Variants in SYNPO2 observed in about 807,000 individuals in gnomAD.
SYNPO2 encodes the protein synaptopodin-2.
Under a neutral mutation model 85.0 loss-of-function variants are expected in SYNPO2, and 56 were observed. The observed-to-expected ratio is 0.66, with a 90% confidence interval of 0.53 to 0.82. The LOEUF (loss-of-function observed/expected upper bound fraction) is 0.82, where lower values mean the gene tolerates loss of function less well. SYNPO2 is among the 40% of genes least tolerant of loss of function. SYNPO2 has a pLI of 0.00. For missense variants in SYNPO2, 1,575 were observed against 1,534.2 expected (o/e 1.03, Z -0.44); for synonymous variants, 602 against 591.1 (o/e 1.02, Z -0.27).
At chr4:119,029,173 T>TCC (rs1482150058) in intron 3 of SYNPO2, among the ~76,000 whole-genome samples, 1 of 152,104 alleles carries the variant, frequency 6.6e-6, no homozygotes, top group Middle Eastern at 3.2e-3. Context: ...TATATGTATT[T>TCC]ACAATAATGT....
intron 1 of SYNPO2, among the ~76,000 whole-genome samples, chr4:118,892,333 T>C (rs1314209261): frequency 1.3e-5 from 2 of 152,200 alleles, no homozygotes; most frequent in Non-Finnish European, 2.9e-5. Flanking sequence ...TATCTTTTAA[T>C]TTATATTCTA....
intron 1 of SYNPO2, among the ~76,000 whole-genome samples, chr4:118,924,977 C>T (rs1733664824): frequency 6.6e-6 from 1 of 152,160 alleles, no homozygotes; most frequent in African/African-American, 2.4e-5. Context: ...TCTATCACAT[C>T]ACCTCCATGG....
chr4:119,007,226 ATATATATATATATATATATG>A (rs1410861759), intron 1 of SYNPO2, among the ~76,000 whole-genome samples: 6 of 42,510 alleles, frequency 1.4e-4, no homozygotes, highest in Admixed American at 3.0e-4. Flanking sequence ...GTATATATAT[ATATATATATATATATATATG>A]TATATACATA....
At chr4:119,013,497 AG>A (rs1333016520) in intron 1 of SYNPO2, among the ~76,000 whole-genome samples, 6 of 152,226 alleles carry the variant, frequency 3.9e-5, no homozygotes. Flanking sequence ...AAGGAATGAC[AG>A]ACAAAATATG....
chr4:118,883,994 T>C (rs776373769), upstream of SYNPO2, among the ~76,000 whole-genome samples: 13 of 152,190 alleles, frequency 8.5e-5, no homozygotes, highest in Non-Finnish European at 1.6e-4. Flanking sequence ...TTTGCATCAG[T>C]TCACCTTGCC....
Position 119,007,205 on chromosome 4 carries a change from A to G in SYNPO2, c.106-16225A>G, listed in dbSNP as rs1737062391. 2.6e-5 allele frequency among the ~76,000 whole-genome samples: 3 copies of G among 113,820 alleles called. No individual in the cohort carries two copies. In the South Asian group the frequency reaches 9.0e-4, roughly 34 times the overall value. The allele number at this position is 113,820 out of a possible 152,430, so 74.7% of individuals were successfully genotyped here. On this transcript the variant is annotated intron_variant, in intron 1 of 4. Transcript: ENST00000307142. ...GGAGACTGAAAATTCCCAAAACAAAAAAGAACAAAGGTATATATATATATA... is the reference window on the plus strand; with the variant it reads ...GGAGACTGAAAATTCCCAAAACAAAGAAGAACAAAGGTATATATATATATA...
At chr4:119,007,228 ATATATATATATATATATG>A (rs1479608471) in intron 1 of SYNPO2, among the ~76,000 whole-genome samples, 1 of 49,022 alleles carries the variant, frequency 2.0e-5, no homozygotes, top group African/African-American at 9.5e-5. Flanking sequence ...ATATATATAT[ATATATATATATATATATG>A]TATATACATA....
At chr4:118,890,733 C>CTCTCTCTCTCTCTCTCTCTG (rs749295331) in intron 1 of SYNPO2, among the ~76,000 whole-genome samples, 60 of 126,210 alleles carry the variant, frequency 4.8e-4, no homozygotes, top group East Asian at 1.3e-3. Flanking sequence ...CTCTCTCTCT[C>CTCTCTCTCTCTCTCTCTCTG]TGTGTGTGTG....
chr4:118,997,853 C>T (rs1180524419), intron 1 of SYNPO2, among the ~76,000 whole-genome samples: 1 of 152,184 alleles, frequency 6.6e-6, no homozygotes, highest in African/African-American at 2.4e-5. Flanking sequence ...CTGTTCTGTG[C>T]TCAGTCCACT....
intron 4 of SYNPO2, chr4:119,038,445 T>C (rs1578670030): frequency 3.0e-6 from 3 of 985,184 alleles, no homozygotes; most frequent in East Asian, 1.1e-4. Context: ...TCAGAATGAA[T>C]AGTGTTGTTC....
At chr4:118,879,867 C>G (rs1732044717) in intron 1 of SYNPO2, among the ~76,000 whole-genome samples, 1 of 151,808 alleles carries the variant, frequency 6.6e-6, no homozygotes, top group Admixed American at 6.6e-5. Context: ...TGTCCCGCCT[C>G]CCTCCGAGAC....
intron 1 of SYNPO2, among the ~76,000 whole-genome samples, chr4:118,866,737 C>G (rs1003144578): frequency 1.3e-4 from 20 of 152,206 alleles, no homozygotes; most frequent in Middle Eastern, 3.4e-3. Context: ...AGCACTTCCC[C>G]CTTCACTCTT....
intron 1 of SYNPO2, among the ~76,000 whole-genome samples, chr4:118,986,127 T>A (rs1375603951): frequency 2.0e-5 from 3 of 152,234 alleles, no homozygotes; most frequent in Non-Finnish European, 4.4e-5. Context: ...ATAAATGACC[T>A]TTGTTCTCAC....
At chr4:119,019,063 G>A (rs879731718) in intron 1 of SYNPO2, among the ~76,000 whole-genome samples, 2 of 152,138 alleles carry the variant, frequency 1.3e-5, no homozygotes, top group Admixed American at 1.3e-4. Context: ...TTTACTTGAT[G>A]GGGGAGGCTG....
At chr4:118,896,976 G>A (rs1210308904) in intron 1 of SYNPO2, among the ~76,000 whole-genome samples, 4 of 151,916 alleles carry the variant, frequency 2.6e-5, no homozygotes, top group Non-Finnish European at 5.9e-5. Flanking sequence ...AAAAAATGAA[G>A]GATGACCTTT....
chr4:119,059,831 A>G lies in SYNPO2; in HGVS notation c.*1897A>G, dbSNP rs796964068. 1 of 152,258 alleles carries G rather than the reference A, an allele frequency of 6.6e-6. No individual in the cohort carries two copies. Among genetic ancestry groups the G allele is most frequent in the African/African-American group, 2.4e-5 (1 of 41,568 alleles). The allele number at this position is 152,258 out of a possible 1,614,324, so 9.4% of individuals were successfully genotyped here. ...AATTGTTCAGTGATGGAGAAAAGAA[A>G]CGATAAATACTTTCCAAGGTTATAT... On this transcript the variant is annotated 3_prime_UTR_variant, in exon 5 of 5. Transcript: ENST00000307142.
rs562246042 is a variant in SYNPO2 at position 119,035,277 on chromosome 4, C to A, written c.3252+3250C>A. On this transcript the variant is annotated intron_variant, in intron 4 of 4. Transcript: ENST00000307142. ...TGTGCTATAATGAATCTGCATAACGCTTGGGATTCTAGGAGGAAGGAAGGT... is the reference window on the plus strand; with the variant it reads ...TGTGCTATAATGAATCTGCATAACGATTGGGATTCTAGGAGGAAGGAAGGT... 1.2e-5 allele frequency: 12 copies of A among 985,394 alleles called. No individual in the cohort carries two copies. The South Asian group carries it at 5.2e-4, about 42-fold the overall frequency. The allele number at this position is 985,394 out of a possible 1,614,324, so 61.0% of individuals were successfully genotyped here. A position where few individuals can be genotyped will look rare whatever the true frequency, so the allele number is the denominator to read the frequency against.
At chr4:118,867,013 G>T (rs971110842) in intron 1 of SYNPO2, among the ~76,000 whole-genome samples, 3 of 151,686 alleles carry the variant, frequency 2.0e-5, no homozygotes, top group South Asian at 2.1e-4. Context: ...CTAACTGAGG[G>T]GTTAACAAAC....
intron 4 of SYNPO2, chr4:119,034,386 A>G (rs1200178745): frequency 8.2e-6 from 8 of 978,742 alleles, no homozygotes; most frequent in Non-Finnish European, 8.5e-6. Context: ...GTATGCAGGA[A>G]TGAGAAGTGT....
Sources: allele counts gnomAD v4.1 joint callset (sites outside exome capture counted in the v4.1 genomes callset), GRCh38; gene constraint gnomAD v4.1.1; transcripts MANE v1.5; gene names NCBI Gene and HGNC (gene_info 2026-07-23, HGNC 2026-07-21).